The following STX11 variants were observed in gnomAD, a reference collection of about 807,000 sequenced individuals.
STX11 encodes the protein syntaxin-11.
A neutral mutation model predicts 19.9 loss-of-function variants in STX11; 21 were observed. The ratio of observed to expected loss-of-function variants is 1.06; its 90% confidence interval spans 0.75 to 1.52. STX11 has a LOEUF of 1.52. Ranked by LOEUF, STX11 falls within the 40% of genes most tolerant of loss-of-function variation. The probability of loss-of-function intolerance (pLI) is 0.00; values close to 1 mark genes in which losing one functional copy is unlikely to be tolerated. For synonymous variants in STX11, 193 were observed against 174.4 expected (o/e 1.11, Z -0.84); for missense variants, 438 against 405.9 (o/e 1.08, Z -0.68).
At chr6:144,156,680 G>A (rs1274995910) in intron 1 of STX11, among the ~76,000 whole-genome samples, 2 of 152,074 alleles carry the variant, frequency 1.3e-5, no homozygotes, top group African/African-American at 4.8e-5. Context: ...TCTTTGTTAT[G>A]TTGATTAGTG....
chr6:144,165,265 AC>A lies in STX11; in HGVS notation c.-6+14564del, dbSNP rs762857899. On this transcript the variant is annotated intron_variant, in intron 1 of 1. Transcript: ENST00000367568. This position sits in a 1 kb window ranked among gnomAD's most constrained non-coding sequence, Gnocchi z 5.8. ...AGGTTGGGAGTTTGAGACCAACCTG[AC>A]CAACATGGAGAAACCCCGTCTCTAC... is the stretch of plus-strand genomic sequence containing the variant. Among the ~76,000 whole-genome samples, 13 of 152,110 alleles carry A rather than the reference AC, an allele frequency of 8.5e-5. No individual in the cohort carries two copies. The highest frequency in any genetic ancestry group is 1.6e-4 in the Non-Finnish European group (11 of 67,970).
rs138731684 is a variant in STX11, at chr6:144,155,809, A to T, written c.-6+5106A>T. ...CCTTCTGAGTTTATGGATACCAGAC[A>T]TTATCTGTGTATTTCATTCAACTTC... On this transcript the variant is annotated intron_variant, in intron 1 of 1. Coordinates refer to ENST00000367568, the MANE Select transcript of STX11 (RefSeq NM_003764.4). This position sits in a 1 kb window ranked among gnomAD's most constrained non-coding sequence, Gnocchi z 4.5. 2.6e-5 allele frequency among the ~76,000 whole-genome samples: 4 copies of T among 152,282 alleles called. No individual in the cohort carries two copies. The highest frequency in any genetic ancestry group is 9.6e-5 in the African/African-American group (4 of 41,556).
rs551550304 is a variant in STX11, at chr6:144,171,454, C to A, written c.-5-15169C>A. ...TGTTTTTTGGGAAGTTGCACTGTGC[C>A]TACATACTGTTTATTTTGGTGAGCT... On this transcript the variant is annotated intron_variant, in intron 1 of 1. Transcript: ENST00000367568. 3.3e-5 allele frequency among the ~76,000 whole-genome samples: 5 copies of A among 152,258 alleles called. No individual in the cohort carries two copies. In the East Asian group the frequency reaches 9.6e-4, roughly 29 times the overall value.
In STX11 at chr6:144,180,655, C is replaced by T. The variant is rs1457816806; in HGVS notation, c.-5-5968C>T. ...TGGTACTATAAGTCCAATTAAACCT[C>T]TTTTCTTCCCAGTCTTGGGTATGTC... On this transcript the variant is annotated intron_variant, in intron 1 of 1. Coordinates refer to ENST00000367568, the MANE Select transcript of STX11 (RefSeq NM_003764.4). This position sits in a 1 kb window ranked among gnomAD's most constrained non-coding sequence, Gnocchi z 5.3. Among the ~76,000 whole-genome samples the T allele has an allele frequency of 6.6e-6, 1 of 152,182 alleles. No individual in the cohort carries two copies. Among genetic ancestry groups the T allele is most frequent in the Non-Finnish European group, 1.5e-5 (1 of 68,028 alleles).
chr6:144,156,692 C>A (rs1317106458), intron 1 of STX11, among the ~76,000 whole-genome samples: 1 of 152,090 alleles, frequency 6.6e-6, no homozygotes, highest in Non-Finnish European at 1.5e-5. Context: ...TGATTAGTGA[C>A]CCAAATCTGT....
At chr6:144,186,364 C>G (rs1454505096) in intron 1 of STX11, among the ~76,000 whole-genome samples, 1 of 151,708 alleles carries the variant, frequency 6.6e-6, no homozygotes, top group Non-Finnish European at 1.5e-5. Context: ...TTAAATTGCT[C>G]ATTGAGTTCT....
intron 1 of STX11, among the ~76,000 whole-genome samples, chr6:144,161,525 G>A (rs909302216): frequency 1.3e-5 from 2 of 152,022 alleles, no homozygotes; most frequent in South Asian, 2.1e-4. Flanking sequence ...CCGCCACCAC[G>A]TCCAGCTAAT....
chr6:144,176,008 G>A lies in STX11; in HGVS notation c.-5-10615G>A, dbSNP rs896476921. ...CCAGGGGTAGTGCAGAGACAACACA[G>A]GTTCTCTGCTAAACCCACTTTTAGG... On this transcript the variant is annotated intron_variant, in intron 1 of 1. Transcript: ENST00000367568. This position sits in a 1 kb window ranked among gnomAD's most constrained non-coding sequence, Gnocchi z 4.1. Among the ~76,000 whole-genome samples, 2 of 152,184 alleles carry A rather than the reference G, an allele frequency of 1.3e-5. No individual in the cohort carries two copies. The highest frequency in any genetic ancestry group is 4.8e-5 in the African/African-American group (2 of 41,436).
intron 1 of STX11, among the ~76,000 whole-genome samples, chr6:144,171,229 T>C (rs1801622678): frequency 6.6e-6 from 1 of 152,222 alleles, no homozygotes; most frequent in Non-Finnish European, 1.5e-5. Context: ...TCTAAACTGA[T>C]TCTACAGCTC....
In STX11 at chr6:144,159,612, A is replaced by G. The variant is rs1187174341; in HGVS notation, c.-6+8909A>G. 6.6e-6 allele frequency among the ~76,000 whole-genome samples: 1 copy of G among 152,158 alleles called. No individual in the cohort carries two copies. Among genetic ancestry groups the G allele is most frequent in the African/African-American group, 2.4e-5 (1 of 41,428 alleles). ...AATGAGGTAAAATAGGTAACAAGGA[A>G]CGGAGAGGGAAGTTTCTGTGTGTCT... On this transcript the variant is annotated intron_variant, in intron 1 of 1. Transcript: ENST00000367568. The surrounding 1 kb of genome is among the most constrained non-coding windows in gnomAD (Gnocchi z 4.3).
rs1801524003 is a variant in STX11, at chr6:144,167,847, C to T, written c.-6+17144C>T. On this transcript the variant is annotated intron_variant, in intron 1 of 1. Coordinates refer to ENST00000367568, the MANE Select transcript of STX11 (RefSeq NM_003764.4). The surrounding 1 kb of genome is among the most constrained non-coding windows in gnomAD (Gnocchi z 5.0). Reference sequence around the variant, plus strand: ...GTTATCCATGGCTGGTCTTGAACTCCTTGACTCAAACAGCCTGCCTGCCTA... The same window carrying T: ...GTTATCCATGGCTGGTCTTGAACTCTTTGACTCAAACAGCCTGCCTGCCTA... 1.3e-5 allele frequency among the ~76,000 whole-genome samples: 2 copies of T among 152,136 alleles called. No homozygotes were observed. Among genetic ancestry groups the T allele is most frequent in the Non-Finnish European group, 1.5e-5 (1 of 67,994 alleles).
At chr6:144,150,373 C>A, upstream of STX11, 1 of 545,870 alleles carries the variant, frequency 1.8e-6, no homozygotes, top group Non-Finnish European at 2.3e-6. Flanking sequence ...CCGGGCGGTC[C>A]CGAGCGCATG....
chr6:144,142,977 C>T, the STX11 span, among the ~76,000 whole-genome samples: 8 of 152,128 alleles, frequency 5.3e-5, 1 homozygote, highest in Non-Finnish European at 1.2e-4. Flanking sequence ...GGACTTGATC[C>T]TTACACATTC....
At position 144,190,334 on chromosome 6, in the gene STX11, G is replaced by A. The variant is rs1444145640; in HGVS notation, c.*2843G>A. Among the ~76,000 whole-genome samples the A allele has an allele frequency of 1.3e-5, 2 of 152,208 alleles. No homozygotes were observed. Among genetic ancestry groups the A allele is most frequent in the Non-Finnish European group, 2.9e-5 (2 of 68,040 alleles). ...GAGATAACAGTACTTACCTCATAGA[G>A]CTGTTGTGAAAAGTGATGACTGAAT... On this transcript the variant is annotated 3_prime_UTR_variant, in exon 2 of 2. Coordinates refer to ENST00000367568, the MANE Select transcript of STX11 (RefSeq NM_003764.4).
upstream of STX11, among the ~76,000 whole-genome samples, chr6:144,146,476 C>T (rs1409933011): frequency 6.6e-6 from 1 of 152,122 alleles, no homozygotes; most frequent in African/African-American, 2.4e-5. The surrounding 1 kb of genome is among the most constrained non-coding windows in gnomAD (Gnocchi z 4.4). Flanking sequence ...CCATGCCCGG[C>T]TAATTTTGTA....
chr6:144,160,519 C>G lies in STX11; in HGVS notation c.-6+9816C>G, dbSNP rs1447741119. ...GTTGAAAAAGTACCAGATTCGTTCTCTAGTAAGAACCTATTTCTTGTTTAA... is the reference window on the plus strand; with the variant it reads ...GTTGAAAAAGTACCAGATTCGTTCTGTAGTAAGAACCTATTTCTTGTTTAA... On this transcript the variant is annotated intron_variant, in intron 1 of 1. Coordinates refer to ENST00000367568, the MANE Select transcript of STX11 (RefSeq NM_003764.4). This position sits in a 1 kb window ranked among gnomAD's most constrained non-coding sequence, Gnocchi z 4.3. Among the ~76,000 whole-genome samples, 1 of 152,120 alleles carries G rather than the reference C, an allele frequency of 6.6e-6. No individual in the cohort carries two copies. Among genetic ancestry groups the G allele is most frequent in the Non-Finnish European group, 1.5e-5 (1 of 68,014 alleles).
At position 144,172,705 on chromosome 6, in the gene STX11, G is replaced by C. The variant is rs543330024; in HGVS notation, c.-5-13918G>C. ...CTCATCAGATTATAGTATTAGCCTC[G>C]AAGTCTAGAGACTTATGCCTGATCT... On this transcript the variant is annotated intron_variant, in intron 1 of 1. Transcript: ENST00000367568. This position sits in a 1 kb window ranked among gnomAD's most constrained non-coding sequence, Gnocchi z 4.2. Among the ~76,000 whole-genome samples, 1 of 152,070 alleles carries C rather than the reference G, an allele frequency of 6.6e-6. No homozygotes were observed. Among genetic ancestry groups the C allele is most frequent in the African/African-American group, 2.4e-5 (1 of 41,418 alleles).
chr6:144,176,691 A>G lies in STX11; in HGVS notation c.-5-9932A>G, dbSNP rs949311958. Among the ~76,000 whole-genome samples, 5 of 152,236 alleles carry G rather than the reference A, an allele frequency of 3.3e-5. No homozygotes were observed. Among genetic ancestry groups the G allele is most frequent in the Non-Finnish European group, 7.3e-5 (5 of 68,040 alleles). The stretch of plus-strand genomic sequence containing the variant: ...CTCCCAGGAAAGAGAAACATTTTAA[A>G]TCAAATCAAGCTGATCTTTGAACAC... On this transcript the variant is annotated intron_variant, in intron 1 of 1. Transcript: ENST00000367568. The surrounding 1 kb of genome is among the most constrained non-coding windows in gnomAD (Gnocchi z 4.1).
chr6:144,166,238 G>A (rs1801473565), intron 1 of STX11, among the ~76,000 whole-genome samples: 1 of 152,172 alleles, frequency 6.6e-6, no homozygotes, highest in Non-Finnish European at 1.5e-5. Flanking sequence ...CACTTATGAA[G>A]AAGAGATGTT....
Sources: allele counts gnomAD v4.1 joint callset (sites outside exome capture counted in the v4.1 genomes callset), GRCh38; gene constraint gnomAD v4.1.1; non-coding constraint Gnocchi (gnomAD v3.1); transcripts MANE v1.5; gene names NCBI Gene and HGNC (gene_info 2026-07-23, HGNC 2026-07-21).